Variants in PTPN1 observed in about 807,000 individuals in gnomAD.
PTPN1 encodes tyrosine-protein phosphatase non-receptor type 1.
A neutral mutation model predicts 59.9 loss-of-function variants in PTPN1; 12 were observed. The observed-to-expected ratio is 0.20, with a 90% CI of 0.13 to 0.32. The LOEUF (loss-of-function observed/expected upper bound fraction) is 0.32, where lower values mean the gene tolerates loss of function less well. PTPN1 is among the 10% of genes least tolerant of loss of function. The probability of loss-of-function intolerance (pLI) is 1.00; values close to 1 mark genes in which losing one functional copy is unlikely to be tolerated. For synonymous variants in PTPN1, 178 were observed against 203.6 expected (o/e 0.87, Z 1.07); for missense variants, 356 against 549.2 (o/e 0.65, Z 3.52).
chr20:50,544,459 T>C (rs1463351004), intron 1 of PTPN1, among the ~76,000 whole-genome samples: 2 of 152,216 alleles, frequency 1.3e-5, no homozygotes, highest in Non-Finnish European at 2.9e-5. Context: ...CCCTGCCTGA[T>C]TTTTTAAATG....
intron 1 of PTPN1, among the ~76,000 whole-genome samples, chr20:50,517,107 C>T (rs1255575470): frequency 6.6e-6 from 1 of 152,252 alleles, no homozygotes; most frequent in African/African-American, 2.4e-5. Context: ...GACCATTTCA[C>T]ATGGAAGATT....
intron 1 of PTPN1, among the ~76,000 whole-genome samples, chr20:50,554,632 ACAT>A (rs1384839582): frequency 2.1e-5 from 3 of 144,698 alleles, no homozygotes; most frequent in Admixed American, 6.8e-5. Flanking sequence ...AAATAAAAAT[ACAT>A]CATATTTATA....
intron 1 of PTPN1, among the ~76,000 whole-genome samples, chr20:50,554,234 T>C (rs761902541): frequency 1.3e-5 from 2 of 152,070 alleles, no homozygotes; most frequent in Admixed American, 6.6e-5. Flanking sequence ...TAAAATGAAA[T>C]AAATTAGCTG....
chr20:50,536,542 T>C (rs1299239192), intron 1 of PTPN1, among the ~76,000 whole-genome samples: 2 of 152,212 alleles, frequency 1.3e-5, no homozygotes, highest in East Asian at 1.9e-4. Context: ...TAAAGAATGA[T>C]GTGATTAGAA....
chr20:50,573,790 G>A (rs1054463667), intron 4 of PTPN1: 5 of 152,140 alleles, frequency 3.3e-5, no homozygotes, highest in African/African-American at 9.7e-5. Flanking sequence ...CAAGTAAAAT[G>A]TCACTAAATT....
intron 1 of PTPN1, among the ~76,000 whole-genome samples, chr20:50,524,887 T>G (rs1455005932): frequency 6.6e-6 from 1 of 151,910 alleles, no homozygotes; most frequent in African/African-American, 2.4e-5. Context: ...TGTGCTCTTA[T>G]TAGCAATTCT....
rs1289129810 is a variant in PTPN1 at position 50,585,188 on chromosome 20, TTAG to T, written c.*2476_*2478del. 2 of 152,208 alleles carry T rather than the reference TTAG, an allele frequency of 1.3e-5. No homozygotes were observed. Among genetic ancestry groups the T allele is most frequent in the Non-Finnish European group, 2.9e-5 (2 of 68,036 alleles). The allele number at this position is 152,208 out of a possible 1,614,324, so 9.4% of individuals were successfully genotyped here. On this transcript the variant is annotated 3_prime_UTR_variant, in exon 10 of 10. Coordinates refer to ENST00000371621, the MANE Select transcript of PTPN1 (RefSeq NM_002827.4). Reference sequence around the variant, plus strand: ...AGAATTGACTTAGAAATAAGACAGATTAGTATAGTTTTTCATTTGTGTACAAAA... The same window carrying T: ...AGAATTGACTTAGAAATAAGACAGATTATAGTTTTTCATTTGTGTACAAAA...
chr20:50,562,009 G>A (rs542731000), intron 2 of PTPN1, among the ~76,000 whole-genome samples: 4 of 152,272 alleles, frequency 2.6e-5, no homozygotes, highest in East Asian at 1.9e-4. Context: ...AGCCCTGTCC[G>A]CCTTCTGAGT....
intron 5 of PTPN1, among the ~76,000 whole-genome samples, chr20:50,577,237 G>T (rs2082841155): frequency 6.6e-6 from 1 of 152,244 alleles, no homozygotes; most frequent in Admixed American, 6.5e-5. Context: ...GTGAGGTGGT[G>T]TCTTTGCCCC....
intron 3 of PTPN1, among the ~76,000 whole-genome samples, chr20:50,566,072 A>G (rs558676828): frequency 1.8e-4 from 27 of 152,166 alleles, no homozygotes; most frequent in African/African-American, 6.0e-4. Flanking sequence ...GTTCAGTCCT[A>G]TGGGGCCATT....
intron 1 of PTPN1, among the ~76,000 whole-genome samples, chr20:50,545,569 A>G (rs2082671449): frequency 6.6e-6 from 1 of 152,186 alleles, no homozygotes; most frequent in African/African-American, 2.4e-5. Context: ...ACTGCTCATA[A>G]TGTATGATGC....
intron 1 of PTPN1, among the ~76,000 whole-genome samples, chr20:50,532,313 G>A (rs1216298442): frequency 6.6e-6 from 1 of 152,220 alleles, no homozygotes; most frequent in East Asian, 1.9e-4. Context: ...TAGCTTGTGA[G>A]GTTCACAGTT....
chr20:50,548,492 C>T (rs1425373309), intron 1 of PTPN1, among the ~76,000 whole-genome samples: 8 of 151,654 alleles, frequency 5.3e-5, no homozygotes, highest in African/African-American at 1.9e-4. Flanking sequence ...GTGACATAGT[C>T]ATAGCTCACT....
Position 50,583,107 on chromosome 20 carries a change from C to T in PTPN1, c.*392C>T, listed in dbSNP as rs114068192. The T allele has an allele frequency of 5.5e-3, 1,264 of 231,728 alleles. 15 individuals are homozygous for T. The highest frequency in any genetic ancestry group is 0.026 in the African/African-American group (1,167 of 44,888). 14.4% of individuals were successfully genotyped at this position (231,728 alleles called of 1,614,324 possible). On this transcript the variant is annotated 3_prime_UTR_variant, in exon 10 of 10. Coordinates refer to ENST00000371621, the MANE Select transcript of PTPN1 (RefSeq NM_002827.4). ...AATCTGCAGGGAGCAACTCTCCACTCCATATTTATTTAAACAATTTTTTCC... is the reference window on the plus strand; with the variant it reads ...AATCTGCAGGGAGCAACTCTCCACTTCATATTTATTTAAACAATTTTTTCC...
intron 1 of PTPN1, among the ~76,000 whole-genome samples, chr20:50,523,822 T>G (rs1169201552): frequency 6.6e-6 from 1 of 152,080 alleles, no homozygotes; most frequent in Non-Finnish European, 1.5e-5. Context: ...AAATAAAGGA[T>G]AGTGTATAAA....
Position 50,578,104 on chromosome 20 carries a change from A to G in PTPN1, c.493-316A>G, listed in dbSNP as rs527363457. 12 of 225,418 alleles carry G rather than the reference A, an allele frequency of 5.3e-5. No homozygotes were observed. The East Asian group carries it at 1.1e-3, about 20-fold the overall frequency. 14.0% of individuals were successfully genotyped at this position (225,418 alleles called of 1,614,324 possible). A position where few individuals can be genotyped will look rare whatever the true frequency, so the allele number is the denominator to read the frequency against. ...TGGGTGGCTGCCCAGCATCATTGTG[A>G]CTCGTGAGACAGAGAGAAACCAGTT... On this transcript the variant is annotated intron_variant, in intron 5 of 9. Transcript: ENST00000371621.
In PTPN1 at chr20:50,581,265, C is replaced by T. The variant is rs2122807569; in HGVS notation, c.1089C>T (p.Ser363=). The T allele has an allele frequency of 6.3e-7, 1 of 1,593,184 alleles. No homozygotes were observed. The highest frequency in any genetic ancestry group is 1.1e-5 in the South Asian group (1 of 90,212). Residue 363 remains serine, a splice_region_variant and synonymous_variant, in exon 9 of 10, where the codon AGC becomes AGT. Transcript: ENST00000371621. The stretch of plus-strand genomic sequence containing the variant: ...CCATCTCTGCCCTCTGATTCCTCAG[C>T]ATGAGTCAAGACACTGAAGTTAGAA... The part of the protein sequence containing the change: ...PLNAAPYGIE[S]MSQDTEVRSR...
rs111993044 is a variant in PTPN1, at chr20:50,510,429, G to A, written c.-99G>A. 2 of 1,337,498 alleles carry A rather than the reference G, an allele frequency of 1.5e-6. No individual in the cohort carries two copies. The highest frequency in any genetic ancestry group is 2.0e-4 in the Middle Eastern group (1 of 5,058). 82.9% of individuals were successfully genotyped at this position (1,337,498 alleles called of 1,614,324 possible). A position where few individuals can be genotyped will look rare whatever the true frequency, so the allele number is the denominator to read the frequency against. ...GGGCGGCGGTAGCTGCAGGGGTCGGGGATTGCAGCGGGCCTCGGGGCTAAG... is the reference window on the plus strand; with the variant it reads ...GGGCGGCGGTAGCTGCAGGGGTCGGAGATTGCAGCGGGCCTCGGGGCTAAG... On this transcript the variant is annotated 5_prime_UTR_variant, in exon 1 of 10. Coordinates refer to ENST00000371621, the MANE Select transcript of PTPN1 (RefSeq NM_002827.4).
chr20:50,529,272 C>T (rs140255064), intron 1 of PTPN1, among the ~76,000 whole-genome samples: 167 of 152,164 alleles, frequency 1.1e-3, no homozygotes, highest in African/African-American at 3.7e-3. Context: ...ATTCAAACTT[C>T]GTAGGTTTTG....
Sources: allele counts gnomAD v4.1 joint callset (sites outside exome capture counted in the v4.1 genomes callset), GRCh38; gene constraint gnomAD v4.1.1; transcripts MANE v1.5; gene names NCBI Gene and HGNC (gene_info 2026-07-23, HGNC 2026-07-21).